CHMP3: variants seen among roughly 807,000 people sequenced by gnomAD.
The protein encoded by CHMP3 is 25.1 protein.
A neutral mutation model predicts 27.4 loss-of-function variants in CHMP3; 8 were observed. The observed-to-expected ratio is 0.29, with a 90% CI of 0.17 to 0.53. The LOEUF is 0.53. CHMP3 is among the 20% of genes least tolerant of loss of function. The pLI, the probability that CHMP3 is intolerant of heterozygous loss-of-function variation, is 0.96. For synonymous variants in CHMP3, 86 were observed against 85.5 expected, an observed-to-expected ratio of 1.01 and a Z score of -0.03; for missense variants, 208 against 271.5, an observed-to-expected ratio of 0.77 and a Z score of 1.64.
intron 3 of CHMP3, among the ~76,000 whole-genome samples, chr2:86,513,556 T>C (rs753305027): frequency 2.6e-5 from 4 of 152,214 alleles, no homozygotes; most frequent in Non-Finnish European, 4.4e-5. Context: ...TGTACCACTC[T>C]TGTGTGGGAT....
At position 86,505,912 on chromosome 2, in the gene CHMP3, G is replaced by A. The variant is rs755316134; in HGVS notation, c.561C>T (p.Ala187=). The change falls in exon 6 of 6, where the codon GCC becomes GCT. Residue 187 remains alanine, a synonymous_variant. Transcript: ENST00000263856. ...LGKAPSKVTD[A]LPEPEPPGAM... ...CTCCTGGAGGTTCTGGCTCTGGAAGGGCATCAGTCACTTTACTGGGTGCTT... is the reference window on the plus strand; with the variant it reads ...CTCCTGGAGGTTCTGGCTCTGGAAGAGCATCAGTCACTTTACTGGGTGCTT... The A allele has an allele frequency of 6.3e-7, 1 of 1,588,886 alleles. No individual in the cohort carries two copies.
chr2:86,528,813 C>G (rs775920371), intron 3 of CHMP3, among the ~76,000 whole-genome samples: 3 of 152,144 alleles, frequency 2.0e-5, no homozygotes, highest in African/African-American at 4.8e-5. Context: ...AGAGATGAAG[C>G]AGAAAAGGAG....
intron 2 of CHMP3, among the ~76,000 whole-genome samples, chr2:86,533,847 C>G (rs949839178): frequency 9.2e-5 from 14 of 152,126 alleles, no homozygotes; most frequent in Non-Finnish European, 1.5e-5. Context: ...CTGAGTGTTG[C>G]TTTTGCTGCA....
chr2:86,548,196 T>G (rs1451762666), intron 1 of CHMP3, among the ~76,000 whole-genome samples: 21 of 151,476 alleles, frequency 1.4e-4, no homozygotes, highest in Non-Finnish European at 2.7e-4. Flanking sequence ...TTTTTTTTTT[T>G]TTTTAGTATT....
chr2:86,556,699 T>G (rs1307788302), intron 1 of CHMP3, among the ~76,000 whole-genome samples: 10 of 152,130 alleles, frequency 6.6e-5, no homozygotes, highest in African/African-American at 4.8e-5. Flanking sequence ...TACCCACAAG[T>G]GTGTTGACTC....
chr2:86,558,461 T>C (rs1247326126), intron 1 of CHMP3, among the ~76,000 whole-genome samples: 1 of 152,236 alleles, frequency 6.6e-6, no homozygotes, highest in African/African-American at 2.4e-5. Flanking sequence ...CTAAACCTTA[T>C]TCTGATACTC....
chr2:86,503,637 G>A lies in CHMP3; in HGVS notation c.*2167C>T, dbSNP rs566496605. 2 of 152,206 alleles carry A rather than the reference G, an allele frequency of 1.3e-5. No individual in the cohort carries two copies. Among genetic ancestry groups the A allele is most frequent in the South Asian group, 4.2e-4 (2 of 4,812 alleles). The allele number at this position is 152,206 out of a possible 1,614,324, so 9.4% of individuals were successfully genotyped here. On this transcript the variant is annotated 3_prime_UTR_variant, in exon 6 of 6. Coordinates refer to ENST00000263856, the MANE Select transcript of CHMP3 (RefSeq NM_016079.4). ...GTGCTAAAAATAAATGCACTATTAA[G>A]CCATGAAATGACATGGAGGAACCTT... is the stretch of plus-strand genomic sequence containing the variant.
chr2:86,557,706 TACCGTCC>T (rs913991570), intron 1 of CHMP3, among the ~76,000 whole-genome samples: 3 of 152,198 alleles, frequency 2.0e-5, no homozygotes, highest in African/African-American at 7.2e-5. Context: ...ATCCTATATC[TACCGTCC>T]ACCTGGTGAA....
At chr2:86,561,030 A>C (rs1389074939) in intron 1 of CHMP3, among the ~76,000 whole-genome samples, 2 of 152,214 alleles carry the variant, frequency 1.3e-5, no homozygotes, top group African/African-American at 4.8e-5. Flanking sequence ...TGACAATTTG[A>C]CATGAGATTT....
chr2:86,511,968 T>C (rs1675123823), intron 3 of CHMP3: 1 of 152,100 alleles, frequency 6.6e-6, no homozygotes, highest in African/African-American at 2.4e-5. Flanking sequence ...GTCAATGTTG[T>C]AGGAAAAAGG....
chr2:86,551,300 T>TG (rs1676897070), intron 1 of CHMP3, among the ~76,000 whole-genome samples: 1 of 149,420 alleles, frequency 6.7e-6, no homozygotes, highest in Non-Finnish European at 1.5e-5. Flanking sequence ...TTTTTTGAGA[T>TG]GGAGTCTCTC....
At chr2:86,549,452 T>TGGC (rs1676779492) in intron 1 of CHMP3, among the ~76,000 whole-genome samples, 5 of 63,388 alleles carry the variant, frequency 7.9e-5, no homozygotes, top group South Asian at 5.9e-4. Flanking sequence ...CCAGATGGGG[T>TGGC]GGCCGGGCAG....
intron 1 of CHMP3, among the ~76,000 whole-genome samples, chr2:86,543,201 G>C (rs1040713772): frequency 6.6e-6 from 1 of 152,126 alleles, no homozygotes; most frequent in African/African-American, 2.4e-5. Flanking sequence ...TGGACATACA[G>C]ACTAAATGGC....
chr2:86,557,395 C>G (rs1218941779), intron 1 of CHMP3, among the ~76,000 whole-genome samples: 1 of 152,198 alleles, frequency 6.6e-6, no homozygotes, highest in African/African-American at 2.4e-5. Context: ...TCATCTATCA[C>G]CTGGGCCACT....
In CHMP3 at chr2:86,563,383, C is replaced by G; in HGVS notation, c.-35G>C. 1 of 1,608,608 alleles carries G rather than the reference C, an allele frequency of 6.2e-7. No homozygotes were observed. The highest frequency in any genetic ancestry group is 8.5e-7 in the Non-Finnish European group (1 of 1,178,004). On this transcript the variant is annotated 5_prime_UTR_variant, in exon 1 of 6. Coordinates refer to ENST00000263856, the MANE Select transcript of CHMP3 (RefSeq NM_016079.4). ...AACCCGTCTTGCCCCTTCCGGCTTT[C>G]AGTTCCCCGCGCCCAGGCAGGTCAC...
At chr2:86,559,511 C>T (rs1206629174) in intron 1 of CHMP3, among the ~76,000 whole-genome samples, 1 of 152,256 alleles carries the variant, frequency 6.6e-6, no homozygotes, top group Non-Finnish European at 1.5e-5. Flanking sequence ...ACCATCCCTG[C>T]TTTATTGGCA....
intron 1 of CHMP3, among the ~76,000 whole-genome samples, chr2:86,552,584 C>T (rs1188392255): frequency 1.3e-5 from 2 of 152,168 alleles, no homozygotes; most frequent in African/African-American, 4.8e-5. Flanking sequence ...AGGTTAGTTA[C>T]TAGCATAAAA....
Position 86,504,867 on chromosome 2 carries a change from T to C in CHMP3, c.*937A>G, listed in dbSNP as rs1390553105. On this transcript the variant is annotated 3_prime_UTR_variant, in exon 6 of 6. Transcript: ENST00000263856. ...TATTTGTAAAGACTAAGATCGCGTA[T>C]GTCAAAGAGCTCTGTAAACTCTCAA... 2.0e-5 allele frequency: 3 copies of C among 152,208 alleles called. No homozygotes were observed. Among genetic ancestry groups the C allele is most frequent in the East Asian group, 1.9e-4 (1 of 5,210 alleles). 9.4% of individuals were successfully genotyped at this position (152,208 alleles called of 1,614,324 possible). A position where few individuals can be genotyped will look rare whatever the true frequency, so the allele number is the denominator to read the frequency against.
chr2:86,551,985 T>C (rs1676922724), intron 1 of CHMP3, among the ~76,000 whole-genome samples: 1 of 152,188 alleles, frequency 6.6e-6, no homozygotes, highest in African/African-American at 2.4e-5. Context: ...AACCACTGCA[T>C]CTTGGAGAAA....
Sources: allele counts gnomAD v4.1 joint callset (sites outside exome capture counted in the v4.1 genomes callset), GRCh38; gene constraint gnomAD v4.1.1; transcripts MANE v1.5; gene names NCBI Gene and HGNC (gene_info 2026-07-23, HGNC 2026-07-21).